Variants in PGCKA1 observed in about 807,000 individuals in gnomAD.
The protein encoded by PGCKA1 is PDCD10 and GCKIII kinases-associated protein 1.
the PGCKA1 span, among the ~76,000 whole-genome samples, chr4:37,542,480 G>A: frequency 2.0e-5 from 3 of 152,142 alleles, no homozygotes; most frequent in Admixed American, 6.5e-5. Context: ...GTTGTCCTTC[G>A]GGTGTTTAAT....
chr4:37,511,529 A>T, the PGCKA1 span, among the ~76,000 whole-genome samples: 1 of 152,210 alleles, frequency 6.6e-6, no homozygotes, highest in Non-Finnish European at 1.5e-5. Context: ...GAGCCTCACG[A>T]CTATGACCAG....
At chr4:37,515,776 A>T in the PGCKA1 span, among the ~76,000 whole-genome samples, 1 of 152,244 alleles carries the variant, frequency 6.6e-6, no homozygotes, top group Non-Finnish European at 1.5e-5. Flanking sequence ...TACAGGGATT[A>T]CTGAAATAGA....
chr4:37,519,643 C>A, the PGCKA1 span, among the ~76,000 whole-genome samples: 1 of 152,266 alleles, frequency 6.6e-6, no homozygotes, highest in African/African-American at 2.4e-5. Flanking sequence ...CTGAATTTAT[C>A]AGTTCTGATA....
At chr4:37,474,417 G>A in the PGCKA1 span, among the ~76,000 whole-genome samples, 1 of 152,128 alleles carries the variant, frequency 6.6e-6, no homozygotes, top group Non-Finnish European at 1.5e-5. Flanking sequence ...GCAGCACAAA[G>A]CAGGCTAAGA....
the PGCKA1 span, among the ~76,000 whole-genome samples, chr4:37,488,295 A>G: frequency 1.3e-5 from 2 of 152,360 alleles, no homozygotes; most frequent in South Asian, 4.1e-4. Context: ...GTATTAAGAC[A>G]CATTGGCATA....
the PGCKA1 span, among the ~76,000 whole-genome samples, chr4:37,456,421 G>A: frequency 1.3e-5 from 2 of 152,066 alleles, no homozygotes; most frequent in East Asian, 1.9e-4. Flanking sequence ...TAAAACATAC[G>A]TAAAACACCA....
chr4:37,586,070 A>T, the PGCKA1 span, among the ~76,000 whole-genome samples: 1 of 151,594 alleles, frequency 6.6e-6, no homozygotes, highest in Non-Finnish European at 1.5e-5. Flanking sequence ...GCTGTATCCA[A>T]ATGGGGTGGT....
the PGCKA1 span, among the ~76,000 whole-genome samples, chr4:37,574,390 A>T: frequency 1.3e-5 from 2 of 152,080 alleles, no homozygotes; most frequent in African/African-American, 4.8e-5. Context: ...CATTAAAGCC[A>T]ATGTTAAGAG....
chr4:37,575,564 G>A, the PGCKA1 span, among the ~76,000 whole-genome samples: 2,472 of 152,038 alleles, frequency 0.016, 21 homozygotes, highest in African/African-American at 0.033. Flanking sequence ...TCTTCACTCC[G>A]TTGATTGTTT....
chr4:37,453,777 C>T, the PGCKA1 span, among the ~76,000 whole-genome samples: 2 of 152,116 alleles, frequency 1.3e-5, no homozygotes, highest in Admixed American at 1.3e-4. Context: ...GGATGTCGGA[C>T]ATCGTACTCC....
At chr4:37,476,900 A>T in the PGCKA1 span, among the ~76,000 whole-genome samples, 1 of 152,164 alleles carries the variant, frequency 6.6e-6, no homozygotes, top group Admixed American at 6.5e-5. Flanking sequence ...GGACAATAAC[A>T]AGTGTTGGCA....
chr4:37,514,947 A>G, the PGCKA1 span, among the ~76,000 whole-genome samples: 1 of 152,216 alleles, frequency 6.6e-6, no homozygotes, highest in South Asian at 2.1e-4. Flanking sequence ...TAAGAAGAGA[A>G]GGTGGAAGTA....
chr4:37,585,115 G>C, the PGCKA1 span, among the ~76,000 whole-genome samples: 2 of 125,072 alleles, frequency 1.6e-5, no homozygotes, highest in African/African-American at 3.4e-5. Context: ...GCATGAAAAG[G>C]GTCAGGATTT....
At chr4:37,566,086 G>C in the PGCKA1 span, among the ~76,000 whole-genome samples, 1 of 151,944 alleles carries the variant, frequency 6.6e-6, no homozygotes, top group African/African-American at 2.4e-5. Context: ...GTGATTGTGT[G>C]AGTTAACACT....
the PGCKA1 span, among the ~76,000 whole-genome samples, chr4:37,459,784 G>A: frequency 2.7e-5 from 4 of 146,676 alleles, no homozygotes; most frequent in Non-Finnish European, 1.5e-5. Context: ...GAAGGAGGGT[G>A]GAAGAGCTTT....
chr4:37,457,876 T>C, the PGCKA1 span, among the ~76,000 whole-genome samples: 5 of 152,248 alleles, frequency 3.3e-5, no homozygotes, highest in Non-Finnish European at 7.3e-5. Flanking sequence ...CAAGATCTAC[T>C]TTATAGTTTC....
chr4:37,553,852 A>T, the PGCKA1 span, among the ~76,000 whole-genome samples: 3 of 152,232 alleles, frequency 2.0e-5, no homozygotes. Context: ...GCAGATAAAC[A>T]CTGATGAAAC....
At chr4:37,566,419 T>C in the PGCKA1 span, among the ~76,000 whole-genome samples, 3 of 151,422 alleles carry the variant, frequency 2.0e-5, no homozygotes, top group Admixed American at 2.0e-4. Context: ...TAGCTGCGAT[T>C]ACAGGCGCAC....
chr4:37,497,733 T>A, the PGCKA1 span, among the ~76,000 whole-genome samples: 1 of 152,168 alleles, frequency 6.6e-6, no homozygotes, highest in African/African-American at 2.4e-5. Context: ...GGATTGTTTG[T>A]TTTTTTCTTA....
Sources: gnomAD v4.1 joint callset for allele counts (sites outside exome capture counted in the v4.1 genomes callset) on GRCh38, gnomAD v4.1.1 for gene constraint, MANE v1.5 for transcripts, NCBI Gene and HGNC (gene_info 2026-07-23, HGNC 2026-07-21) for gene names.